The following SAMD12 variants were observed in gnomAD, a reference collection of about 807,000 sequenced individuals.
SAMD12 encodes sterile alpha motif domain containing 12, also known as sterile alpha motif domain-containing protein 12.
A neutral mutation model predicts 15.0 loss-of-function variants in SAMD12; 9 were observed. The observed-to-expected ratio is 0.60, with a 90% CI of 0.36 to 1.05. SAMD12 has a LOEUF of 1.05. Among genes scored for constraint, SAMD12 ranks in the 50% least tolerant of loss-of-function variants. The probability of loss-of-function intolerance (pLI) is 0.01; values close to 1 mark genes in which losing one functional copy is unlikely to be tolerated. For missense variants in SAMD12, 230 were observed against 234.2 expected (o/e 0.98, Z 0.12); for synonymous variants, 86 against 90.1 (o/e 0.96, Z 0.25).
chr8:118,379,628 T>C lies in SAMD12; in HGVS notation c.395A>G (p.His132Arg). 1 of 1,613,944 alleles carries C rather than the reference T, an allele frequency of 6.2e-7. No individual in the cohort carries two copies. The highest frequency in any genetic ancestry group is 8.5e-7 in the Non-Finnish European group (1 of 1,179,890). Reference sequence around the variant, plus strand: ...CAGCTGGAGCACCTGTTGTAAGATGTGCTGCCGGAGGTTCTCCTGGGCAAT... The same window carrying C: ...CAGCTGGAGCACCTGTTGTAAGATGCGCTGCCGGAGGTTCTCCTGGGCAAT... ...MGIAQENLRQ[H>R]ILQQVLQLKV... The change falls in exon 4 of 4, where the codon CAC becomes CGC. Residue 132 changes from histidine (H) to arginine (R), a missense_variant. Physicochemically the swap from His to Arg is conservative, Grantham distance 29. Coordinates refer to ENST00000314727, the MANE Select transcript of SAMD12 (RefSeq NM_207506.3).
intron 4 of SAMD12, among the ~76,000 whole-genome samples, chr8:118,330,851 C>G (rs1816773993): frequency 6.6e-6 from 1 of 152,062 alleles, no homozygotes; most frequent in South Asian, 2.1e-4. Context: ...GAAAAATTAC[C>G]TATCGGGTAC....
intron 4 of SAMD12, among the ~76,000 whole-genome samples, chr8:118,257,783 T>C (rs1444020073): frequency 6.6e-6 from 1 of 152,136 alleles, no homozygotes; most frequent in Non-Finnish European, 1.5e-5. Flanking sequence ...CAATAGGGAC[T>C]GTCAAGACCA....
intron 3 of SAMD12, among the ~76,000 whole-genome samples, chr8:118,436,372 T>C (rs1257112433): frequency 6.6e-6 from 1 of 152,212 alleles, no homozygotes; most frequent in East Asian, 1.9e-4. Context: ...TATGTTTTTA[T>C]TACATGTCAA....
At position 118,315,822 on chromosome 8, in the gene SAMD12, A is replaced by G. The variant is rs187834960; in HGVS notation, c.433+63738T>C. On this transcript the variant is annotated intron_variant, in intron 4 of 4. Transcript: ENST00000409003. Reference sequence around the variant, plus strand: ...GTCCACCACTGTGGGACTGTTAGAAACTTCTAGGGGGTGCTGGTTGGTGGG... The same window carrying G: ...GTCCACCACTGTGGGACTGTTAGAAGCTTCTAGGGGGTGCTGGTTGGTGGG... Among the ~76,000 whole-genome samples the G allele has an allele frequency of 7.8e-3, 1,193 of 152,028 alleles. 3 individuals carry two copies. Among genetic ancestry groups the G allele is most frequent in the Non-Finnish European group, 0.012 (804 of 67,966 alleles).
the SAMD12 span, among the ~76,000 whole-genome samples, chr8:118,163,701 C>T: frequency 6.6e-6 from 1 of 151,942 alleles, no homozygotes; most frequent in Non-Finnish European, 1.5e-5. Context: ...CGGTGAAACC[C>T]CGTCTTTACT....
At chr8:118,337,450 A>T (rs1817140267) in intron 4 of SAMD12, among the ~76,000 whole-genome samples, 1 of 152,182 alleles carries the variant, frequency 6.6e-6, no homozygotes, top group South Asian at 2.1e-4. Context: ...AGGGTGGGCA[A>T]TACAGTAGTG....
intron 4 of SAMD12, among the ~76,000 whole-genome samples, chr8:118,234,858 A>G (rs1812393866): frequency 6.6e-6 from 1 of 152,142 alleles, no homozygotes; most frequent in African/African-American, 2.4e-5. Flanking sequence ...TTAAAAATGA[A>G]TAATTTCTTA....
chr8:118,309,333 T>C (rs138429191), intron 4 of SAMD12, among the ~76,000 whole-genome samples: 36 of 152,210 alleles, frequency 2.4e-4, no homozygotes, highest in Non-Finnish European at 4.3e-4. Flanking sequence ...CGTTCTTTCT[T>C]ATGGCTGAGT....
At chr8:118,603,403 G>A (rs780887728) in intron 1 of SAMD12, among the ~76,000 whole-genome samples, 37 of 152,128 alleles carry the variant, frequency 2.4e-4, no homozygotes, top group Non-Finnish European at 4.4e-4. Context: ...TTATACAAAG[G>A]AGAAAAAATC....
At chr8:118,616,719 G>A (rs1449457466) in intron 1 of SAMD12, among the ~76,000 whole-genome samples, 1 of 152,192 alleles carries the variant, frequency 6.6e-6, no homozygotes, top group Non-Finnish European at 1.5e-5. Flanking sequence ...TATAGAGCAG[G>A]GGTCCCCAAC....
intron 2 of SAMD12, among the ~76,000 whole-genome samples, chr8:118,529,057 T>A (rs1197401445): frequency 6.6e-6 from 1 of 152,164 alleles, no homozygotes; most frequent in Non-Finnish European, 1.5e-5. Flanking sequence ...AATTGGGGGT[T>A]TCTCCATGAA....
At chr8:118,585,706 C>T (rs1425582742) in intron 1 of SAMD12, among the ~76,000 whole-genome samples, 3 of 152,194 alleles carry the variant, frequency 2.0e-5, no homozygotes, top group Non-Finnish European at 2.9e-5. Context: ...TTCTCCAAAA[C>T]AGGTCTTGTC....
At chr8:118,521,667 A>AGTGT (rs58805789) in intron 2 of SAMD12, among the ~76,000 whole-genome samples, 67,281 of 151,348 alleles carry the variant, frequency 0.44, 15,198 homozygotes, top group African/African-American at 0.52. Context: ...TTCTTCCAAG[A>AGTGT]CTGGGCTGTG....
chr8:118,583,071 T>C (rs1461776212), intron 1 of SAMD12, among the ~76,000 whole-genome samples: 1 of 152,178 alleles, frequency 6.6e-6, no homozygotes, highest in Non-Finnish European at 1.5e-5. Context: ...TTTATTCTCT[T>C]TTCTCATTGG....
chr8:118,168,651 A>G, the SAMD12 span, among the ~76,000 whole-genome samples: 1 of 152,166 alleles, frequency 6.6e-6, no homozygotes, highest in East Asian at 1.9e-4. Context: ...CACCCCAGAT[A>G]GGGTGGAATT....
chr8:118,140,978 G>A, the SAMD12 span, among the ~76,000 whole-genome samples: 1 of 152,200 alleles, frequency 6.6e-6, no homozygotes, highest in Non-Finnish European at 1.5e-5. Context: ...CTGAGTCACT[G>A]AGATTTCAGG....
intron 4 of SAMD12, among the ~76,000 whole-genome samples, chr8:118,258,209 C>A (rs903588513): frequency 1.3e-5 from 2 of 152,162 alleles, no homozygotes; most frequent in Non-Finnish European, 2.9e-5. Flanking sequence ...AAGAGAACTG[C>A]AGCAGAACAG....
At chr8:118,287,281 C>T (rs1022301598) in intron 4 of SAMD12, among the ~76,000 whole-genome samples, 4 of 129,504 alleles carry the variant, frequency 3.1e-5, no homozygotes, top group Admixed American at 1.5e-4. Context: ...CCCACCACTG[C>T]GCCCGGCTAA....
At chr8:118,169,699 T>C in the SAMD12 span, among the ~76,000 whole-genome samples, 1 of 152,186 alleles carries the variant, frequency 6.6e-6, no homozygotes, top group Non-Finnish European at 1.5e-5. Context: ...CAAGAGGCAA[T>C]GTGTACAGTT....
Sources: gnomAD v4.1 joint callset for allele counts (sites outside exome capture counted in the v4.1 genomes callset) on GRCh38, gnomAD v4.1.1 for gene constraint, MANE v1.5 for transcripts, NCBI Gene and HGNC (gene_info 2026-07-23, HGNC 2026-07-21) for gene names.